The following NUMB variants were observed in gnomAD, a reference collection of about 807,000 sequenced individuals.
NUMB encodes protein numb homolog.
In NUMB, 29 loss-of-function variants were observed where a neutral mutation model predicts 59.7. That is an observed-to-expected ratio of 0.49 (90% confidence interval 0.36 to 0.66). NUMB has a LOEUF of 0.66. NUMB is among the 30% of genes least tolerant of loss of function. The pLI is 0.00. For missense variants in NUMB, 723 were observed against 822.0 expected, an observed-to-expected ratio of 0.88 and a Z score of 1.47; for synonymous variants, 288 against 288.2, an observed-to-expected ratio of 1.00 and a Z score of 0.01.
chr14:73,386,046 ACCT>A (rs1278514609), intron 2 of NUMB, among the ~76,000 whole-genome samples: 2 of 152,000 alleles, frequency 1.3e-5, no homozygotes, highest in Non-Finnish European at 2.9e-5. Flanking sequence ...AGTCCTAGGA[ACCT>A]CCTATTTTTT....
chr14:73,365,546 G>T (rs1233898676), intron 3 of NUMB, among the ~76,000 whole-genome samples: 1 of 152,062 alleles, frequency 6.6e-6, no homozygotes, highest in African/African-American at 2.4e-5. Flanking sequence ...TGAGGTGGAA[G>T]GACTGCTCGA....
At chr14:73,357,630 G>C (rs1331812174) in intron 3 of NUMB, among the ~76,000 whole-genome samples, 1 of 151,844 alleles carries the variant, frequency 6.6e-6, no homozygotes, top group African/African-American at 2.4e-5. Flanking sequence ...GGGCGTGGTG[G>C]CACGCACCTG....
rs1444831304 is a variant in NUMB at position 73,362,791 on chromosome 14, T to A, written c.-16+4106A>T. Among the ~76,000 whole-genome samples the A allele has an allele frequency of 2.0e-5, 3 of 152,002 alleles. No homozygotes were observed. The East Asian group carries it at 5.8e-4, about 29-fold the overall frequency. ...TTCCAAGAACCTCAGCAAGTCTCAA[T>A]GACATAGCATATTGGTTACTCATTA... On this transcript the variant is annotated intron_variant, in intron 3 of 12. Coordinates refer to ENST00000555238, the MANE Select transcript of NUMB (RefSeq NM_001005743.2).
chr14:73,337,977 T>C (rs964822423), intron 4 of NUMB, among the ~76,000 whole-genome samples: 5 of 152,152 alleles, frequency 3.3e-5, no homozygotes, highest in Non-Finnish European at 5.9e-5. Context: ...ACCCTTCCAA[T>C]TGCTCAAATC....
rs150547474 is a variant in NUMB, at chr14:73,452,347, C to T, written c.-233+6146G>A. Among the ~76,000 whole-genome samples the T allele has an allele frequency of 5.6e-3, 849 of 151,918 alleles. 11 individuals are homozygous for T. Among genetic ancestry groups the T allele is most frequent in the African/African-American group, 0.018 (764 of 41,422 alleles). On this transcript the variant is annotated intron_variant, in intron 1 of 12. Coordinates refer to ENST00000555238, the MANE Select transcript of NUMB (RefSeq NM_001005743.2). ...TGTACTCCAGCCTGGGCAACGAGAA[C>T]GAAACTCTGTCTCAAAAACAAAACA... is the stretch of plus-strand genomic sequence containing the variant.
At chr14:73,345,480 C>A (rs8016034) in intron 4 of NUMB, among the ~76,000 whole-genome samples, 81,057 of 152,024 alleles carry the variant, frequency 0.53, 22,216 homozygotes, top group East Asian at 0.73. Context: ...GTACTCCTGA[C>A]TCTAAAATAA....
At chr14:73,328,925 A>G (rs1891805612) in intron 4 of NUMB, among the ~76,000 whole-genome samples, 1 of 152,054 alleles carries the variant, frequency 6.6e-6, no homozygotes, top group Admixed American at 6.6e-5. Flanking sequence ...GGGGTGTGCA[A>G]TGGCGTGATC....
chr14:73,381,633 A>G (rs1054590072), intron 2 of NUMB, among the ~76,000 whole-genome samples: 9 of 152,220 alleles, frequency 5.9e-5, no homozygotes, highest in African/African-American at 1.9e-4. Flanking sequence ...TAAGAAGTTC[A>G]TAACACTCTG....
chr14:73,299,611 T>C (rs1159037428), intron 6 of NUMB, among the ~76,000 whole-genome samples: 1 of 150,942 alleles, frequency 6.6e-6, no homozygotes, highest in Non-Finnish European at 1.5e-5. Context: ...ATATGACATA[T>C]ATATGTCATA....
chr14:73,323,161 A>G lies in NUMB; in HGVS notation c.170T>C (p.Ile57Thr). The G allele has an allele frequency of 1.2e-6, 2 of 1,613,732 alleles. No individual in the cohort carries two copies. Among genetic ancestry groups the G allele is most frequent in the Non-Finnish European group, 8.5e-7 (1 of 1,179,696 alleles). Residue 57 changes from isoleucine to threonine, a missense_variant, in exon 5 of 13, where the codon ATC (isoleucine) becomes ACC (threonine). Ile to Thr is a moderately conservative substitution (Grantham distance 89, BLOSUM62 -1). This residue lies in a region of NUMB where 317 missense variants were observed against 436.6 expected (regional missense o/e 0.73). Coordinates refer to ENST00000555238, the MANE Select transcript of NUMB (RefSeq NM_001005743.2). ...CAATCTTTTTACAGCATCTTCACAG[A>G]TGTGCATTCCTCTTGATTCATCAAC... is the stretch of plus-strand genomic sequence containing the variant. The part of the protein sequence containing the change: ...VEVDESRGMH[I>T]CEDAVKRLKA...
chr14:73,417,133 CCTG>C (rs1897161293), intron 1 of NUMB, among the ~76,000 whole-genome samples: 1 of 152,156 alleles, frequency 6.6e-6, no homozygotes, highest in Non-Finnish European at 1.5e-5. Flanking sequence ...TCCCCATCAT[CCTG>C]CTGAGAGCCA....
At chr14:73,316,492 T>A in intron 5 of NUMB, 70 bp from the exon 6 acceptor site, 1 of 1,426,828 alleles carries the variant, frequency 7.0e-7, no homozygotes, top group East Asian at 2.3e-5. Context: ...TTCACACCAA[T>A]AAGCACATAC....
chr14:73,427,301 G>A (rs1021786601), intron 1 of NUMB, among the ~76,000 whole-genome samples: 7 of 151,694 alleles, frequency 4.6e-5, no homozygotes, highest in Non-Finnish European at 8.8e-5. Flanking sequence ...GTGAAATTTT[G>A]TAAAAATACA....
intron 4 of NUMB, among the ~76,000 whole-genome samples, chr14:73,342,518 G>T (rs1433768388): frequency 1.3e-5 from 2 of 152,184 alleles, no homozygotes; most frequent in Non-Finnish European, 1.5e-5. Flanking sequence ...TTTAATACTA[G>T]AACAGGTTGG....
At chr14:73,325,843 T>C (rs771527229) in intron 4 of NUMB, among the ~76,000 whole-genome samples, 3 of 152,006 alleles carry the variant, frequency 2.0e-5, no homozygotes, top group Admixed American at 6.6e-5. Flanking sequence ...GCAGCAGAGG[T>C]AGCAACAAAA....
chr14:73,410,471 T>C (rs1896850011), intron 1 of NUMB, among the ~76,000 whole-genome samples: 1 of 152,210 alleles, frequency 6.6e-6, no homozygotes, highest in African/African-American at 2.4e-5. Flanking sequence ...TACGTCTCTA[T>C]GGGATTGATT....
chr14:73,447,255 A>G (rs1883589458), intron 1 of NUMB, among the ~76,000 whole-genome samples: 1 of 150,080 alleles, frequency 6.7e-6, no homozygotes, highest in Admixed American at 6.6e-5. Flanking sequence ...TTGGGAGGCT[A>G]AGGTGGGCAG....
chr14:73,388,685 G>A (rs1895675538), intron 2 of NUMB, among the ~76,000 whole-genome samples: 1 of 152,208 alleles, frequency 6.6e-6, no homozygotes, highest in Non-Finnish European at 1.5e-5. Context: ...CCTTGAGGCT[G>A]AGTGCGGTAG....
At chr14:73,378,288 CA>C (rs1895067133) in intron 2 of NUMB, among the ~76,000 whole-genome samples, 1 of 152,310 alleles carries the variant, frequency 6.6e-6, no homozygotes, top group Admixed American at 6.5e-5. Flanking sequence ...AGGAATCCCT[CA>C]TTCATTGTTG....
Sources: allele counts gnomAD v4.1 joint callset (sites outside exome capture counted in the v4.1 genomes callset), GRCh38; gene constraint gnomAD v4.1.1; regional missense constraint gnomAD v4.1.1; transcripts MANE v1.5; gene names NCBI Gene and HGNC (gene_info 2026-07-23, HGNC 2026-07-21).